Variants in PNPLA1 observed in about 807,000 individuals in gnomAD.
PNPLA1 encodes the protein omega-hydroxyceramide transacylase.
In PNPLA1, 36 loss-of-function variants were observed where a neutral mutation model predicts 51.7. The ratio of observed to expected loss-of-function variants is 0.70; its 90% CI spans 0.53 to 0.92. PNPLA1 has a LOEUF of 0.92. Ranked by LOEUF, PNPLA1 falls within the 40% of genes least tolerant of loss-of-function variation. The probability of loss-of-function intolerance (pLI) is 0.00; values close to 1 mark genes in which losing one functional copy is unlikely to be tolerated. For missense variants in PNPLA1, 658 were observed against 682.5 expected, an observed-to-expected ratio of 0.96 and a Z score of 0.40; for synonymous variants, 293 against 280.1, an observed-to-expected ratio of 1.05 and a Z score of -0.46.
At chr6:36,298,371 A>G (rs1163299265) in intron 5 of PNPLA1, among the ~76,000 whole-genome samples, 1 of 152,228 alleles carries the variant, frequency 6.6e-6, no homozygotes, top group Non-Finnish European at 1.5e-5. Context: ...AAATGGAATG[A>G]CGGGATTGCA....
rs773486191 is a variant in PNPLA1, at chr6:36,302,145, C to T, written c.1060C>T (p.Pro354Ser). The change falls in exon 6 of 9, where the codon CCT (proline) becomes TCT (serine). Residue 354 changes from proline (P) to serine (S), a missense_variant. Coordinates refer to ENST00000636260, the MANE Select transcript of PNPLA1 (RefSeq NM_001374623.1). ...SAPVSPLEQP[P>S]AQPLASSTPL... Reference sequence around the variant, plus strand: ...ACCAGTCTCTCCACTTGAGCAGCCACCTGCACAGCCACTGGCCTCTTCAAC... The same window carrying T: ...ACCAGTCTCTCCACTTGAGCAGCCATCTGCACAGCCACTGGCCTCTTCAAC... 6 of 1,614,118 alleles carry T rather than the reference C, an allele frequency of 3.7e-6. No homozygotes were observed. In the African/African-American group the frequency reaches 8.0e-5, roughly 22 times the overall value.
chr6:36,279,154 A>G (rs1243770510), intron 1 of PNPLA1, among the ~76,000 whole-genome samples: 1 of 152,210 alleles, frequency 6.6e-6, no homozygotes, highest in African/African-American at 2.4e-5. Context: ...GTCCCTCTGG[A>G]CGGGAAACAG....
rs1771426358 is a variant in PNPLA1, at chr6:36,312,388, GA to G, written c.*505del. ...AAGCAGCAAAAGACCCCTGTGTAAT[GA>G]AATGAACCCCCTAACTGGCTTTTGG... is the stretch of plus-strand genomic sequence containing the variant. On this transcript the variant is annotated 3_prime_UTR_variant, in exon 9 of 9. Coordinates refer to ENST00000636260, the MANE Select transcript of PNPLA1 (RefSeq NM_001374623.1). Among the ~76,000 whole-genome samples the G allele has an allele frequency of 6.6e-6, 1 of 152,198 alleles. No individual in the cohort carries two copies. The highest frequency in any genetic ancestry group is 1.5e-5 in the Non-Finnish European group (1 of 68,038).
At chr6:36,288,866 T>C (rs1184297815) in intron 1 of PNPLA1, among the ~76,000 whole-genome samples, 1 of 152,152 alleles carries the variant, frequency 6.6e-6, no homozygotes, top group Non-Finnish European at 1.5e-5. Context: ...GAGCCAGGCA[T>C]TCCAGGGTGC....
chr6:36,263,307 T>A (rs1769693730), intron 1 of PNPLA1, among the ~76,000 whole-genome samples: 1 of 152,094 alleles, frequency 6.6e-6, no homozygotes, highest in African/African-American at 2.4e-5. Flanking sequence ...AGTACCAACG[T>A]CTACATGTTA....
At chr6:36,301,817 T>A (rs1480460951) in intron 5 of PNPLA1, 44 bp from the exon 6 acceptor site, 31 of 1,577,608 alleles carry the variant, frequency 2.0e-5, no homozygotes, top group Non-Finnish European at 2.7e-5. Flanking sequence ...AAGGCCATGC[T>A]GCTGCCAGGG....
intron 3 of PNPLA1, among the ~76,000 whole-genome samples, chr6:36,293,607 C>G (rs1203662932): frequency 1.3e-5 from 2 of 152,120 alleles, no homozygotes; most frequent in Admixed American, 1.3e-4. Context: ...AGGTGCTGCC[C>G]GTGCTGCTGG....
chr6:36,282,093 G>A (rs1453054057), intron 1 of PNPLA1, among the ~76,000 whole-genome samples: 21 of 119,972 alleles, frequency 1.8e-4, no homozygotes, highest in East Asian at 9.5e-4. Flanking sequence ...AAGAAAGAAG[G>A]AAGGAAGGAA....
intron 1 of PNPLA1, among the ~76,000 whole-genome samples, chr6:36,289,484 C>T (rs185483187): frequency 6.6e-6 from 1 of 152,136 alleles, no homozygotes; most frequent in African/African-American, 2.4e-5. Context: ...GTAAGGCTAA[C>T]CTCACTAAAA....
chr6:36,260,175 T>C lies in PNPLA1; in HGVS notation c.-81+16914T>C, dbSNP rs186608312. Among the ~76,000 whole-genome samples, 75 of 152,016 alleles carry C rather than the reference T, an allele frequency of 4.9e-4. 1 individual carries two copies. Among genetic ancestry groups the C allele is most frequent in the Admixed American group, 3.9e-3 (59 of 15,262 alleles). On this transcript the variant is annotated intron_variant, in intron 1 of 7. Transcript: ENST00000312917. Reference sequence around the variant, plus strand: ...GTGTTGTGTTGTGTGCCTGTAGTCCTAGCTACTAGGAGGCTGAAGCAGGAG... The same window carrying C: ...GTGTTGTGTTGTGTGCCTGTAGTCCCAGCTACTAGGAGGCTGAAGCAGGAG...
Position 36,294,171 on chromosome 6 carries a change from TCTCA to T in PNPLA1, c.505-15_505-12del. ...AGAACTCTGGCCCCAAGTGGGCATT[TCTCA>T]CTCTGCCCCCACAGAGGTACATCGA... On this transcript the variant is annotated splice_polypyrimidine_tract_variant and intron_variant, in intron 3 of 8. Coordinates refer to ENST00000636260, the MANE Select transcript of PNPLA1 (RefSeq NM_001374623.1). This position sits in a 1 kb window ranked among gnomAD's most constrained non-coding sequence, Gnocchi z 4.2. 6.2e-7 allele frequency: 1 copy of T among 1,613,298 alleles called. No homozygotes were observed. Among genetic ancestry groups the T allele is most frequent in the East Asian group, 2.2e-5 (1 of 44,866 alleles).
chr6:36,311,140 G>A (rs1264495934), intron 8 of PNPLA1, among the ~76,000 whole-genome samples: 1 of 152,228 alleles, frequency 6.6e-6, no homozygotes, highest in African/African-American at 2.4e-5. Context: ...CCAGCGGTGT[G>A]TATTTCACAT....
intron 1 of PNPLA1, among the ~76,000 whole-genome samples, chr6:36,262,025 C>T (rs543215267): frequency 7.9e-5 from 12 of 152,310 alleles, no homozygotes; most frequent in Admixed American, 3.3e-4. Context: ...TGGGGAGAAT[C>T]GCCTGCCAGA....
intron 1 of PNPLA1, among the ~76,000 whole-genome samples, chr6:36,248,409 G>A (rs932395526): frequency 1.5e-4 from 23 of 152,042 alleles, no homozygotes; most frequent in African/African-American, 3.4e-4. Flanking sequence ...AGGAAATTGC[G>A]TAACCACACA....
intron 1 of PNPLA1, among the ~76,000 whole-genome samples, chr6:36,249,809 A>G (rs1352172304): frequency 6.6e-6 from 1 of 152,230 alleles, no homozygotes; most frequent in Non-Finnish European, 1.5e-5. Context: ...CTGAGATCCA[A>G]TTTCTTCATA....
intron 1 of PNPLA1, among the ~76,000 whole-genome samples, chr6:36,245,340 T>G (rs893105872): frequency 6.6e-6 from 1 of 152,240 alleles, no homozygotes; most frequent in Admixed American, 6.5e-5. Flanking sequence ...TTATCTTAAG[T>G]TTCAATAGGG....
At chr6:36,282,081 GA>G (rs1183113136) in intron 1 of PNPLA1, among the ~76,000 whole-genome samples, 162 of 129,470 alleles carry the variant, frequency 1.3e-3, no homozygotes, top group Admixed American at 1.4e-3. Flanking sequence ...AAGAAAGAAA[GA>G]AAGAAAGAAG....
intron 8 of PNPLA1, among the ~76,000 whole-genome samples, chr6:36,311,493 G>A (rs551561277): frequency 3.3e-5 from 5 of 152,322 alleles, no homozygotes; most frequent in Admixed American, 3.3e-4. Context: ...TGGACTTCCC[G>A]TGTGGTGCTG....
intron 1 of PNPLA1, among the ~76,000 whole-genome samples, chr6:36,261,701 C>G (rs141573475): frequency 1.8e-3 from 268 of 152,282 alleles, no homozygotes; most frequent in African/African-American, 6.0e-3. Flanking sequence ...CAGGAGAAAA[C>G]CCTAGGAGGC....
Sources: gnomAD v4.1 joint callset for allele counts (sites outside exome capture counted in the v4.1 genomes callset) on GRCh38, gnomAD v4.1.1 for gene constraint, Gnocchi (gnomAD v3.1) non-coding constraint, MANE v1.5 for transcripts, NCBI Gene and HGNC (gene_info 2026-07-23, HGNC 2026-07-21) for gene names.